KLHL1: variants seen among roughly 807,000 people sequenced by gnomAD.
KLHL1 encodes the protein kelch like family member 1, also known as kelch-like protein 1.
In KLHL1, 47 loss-of-function variants were observed where a neutral mutation model predicts 77.7. That is an observed-to-expected ratio of 0.60 (90% confidence interval 0.48 to 0.77). The LOEUF (loss-of-function observed/expected upper bound fraction) is 0.77, where lower values mean the gene tolerates loss of function less well. Ranked by LOEUF, KLHL1 falls within the 30% of genes least tolerant of loss-of-function variation. KLHL1 has a pLI of 0.00. For missense variants in KLHL1, 925 were observed against 910.8 expected (o/e 1.02, Z -0.20); for synonymous variants, 360 against 325.2 (o/e 1.11, Z -1.15).
At chr13:69,999,622 A>C (rs1487093148) in intron 1 of KLHL1, among the ~76,000 whole-genome samples, 1 of 152,052 alleles carries the variant, frequency 6.6e-6, no homozygotes, top group Non-Finnish European at 1.5e-5. Context: ...GCTGTAGCTA[A>C]AGAAGACTCT....
intron 1 of KLHL1, among the ~76,000 whole-genome samples, chr13:70,027,891 T>C (rs1351347232): frequency 1.3e-5 from 2 of 152,248 alleles, no homozygotes; most frequent in East Asian, 1.9e-4. Flanking sequence ...GCTGGAGTTA[T>C]TGTGGCGATG....
Position 70,027,349 on chromosome 13 carries a change from G to A in KLHL1, c.498-51547C>T, listed in dbSNP as rs1172772345. 2.0e-5 allele frequency among the ~76,000 whole-genome samples: 3 copies of A among 150,850 alleles called. No homozygotes were observed. In the East Asian group the frequency reaches 5.9e-4, roughly 30 times the overall value. ...AATGTATCACTAAAGAGAACCATAG[G>A]AGCGTAAATCCCTTTAGAGCCAGTT... On this transcript the variant is annotated intron_variant, in intron 1 of 10. Transcript: ENST00000377844.
intron 8 of KLHL1, among the ~76,000 whole-genome samples, chr13:69,734,965 G>A (rs568025199): frequency 4.2e-4 from 64 of 152,132 alleles, no homozygotes; most frequent in African/African-American, 1.5e-3. Flanking sequence ...TCATAATGAA[G>A]AATGTTGTGA....
intron 1 of KLHL1, among the ~76,000 whole-genome samples, chr13:70,032,020 G>A (rs1288291063): frequency 6.6e-6 from 1 of 152,100 alleles, no homozygotes; most frequent in African/African-American, 2.4e-5. Flanking sequence ...ATGTCACTTA[G>A]GTGTTACAAA....
rs539485169 is a variant in KLHL1, at chr13:69,737,252, T to C, written c.1802+3142A>G. Among the ~76,000 whole-genome samples the C allele has an allele frequency of 2.0e-5, 3 of 152,234 alleles. No homozygotes were observed. In the South Asian group the frequency reaches 6.2e-4, roughly 32 times the overall value. ...GTCACAAGCACAAAGCTGTGCAGAC[T>C]CATGGTGGCTGCTCGGGCAGGCAGC... is the stretch of plus-strand genomic sequence containing the variant. On this transcript the variant is annotated intron_variant, in intron 8 of 10. Coordinates refer to ENST00000377844, the MANE Select transcript of KLHL1 (RefSeq NM_020866.3).
rs998059123 is a variant in KLHL1 at position 69,860,868 on chromosome 13, C to G, written c.1227+21415G>C. On this transcript the variant is annotated intron_variant, in intron 5 of 10. Coordinates refer to ENST00000377844, the MANE Select transcript of KLHL1 (RefSeq NM_020866.3). The stretch of plus-strand genomic sequence containing the variant: ...AATTACATATTTAAAAAAAAACATA[C>G]TAATAGAATTCTTACTAATAAAAAC... 7.9e-5 allele frequency among the ~76,000 whole-genome samples: 12 copies of G among 151,394 alleles called. 1 individual carries two copies. The East Asian group carries it at 2.3e-3, about 30-fold the overall frequency.
At position 69,837,659 on chromosome 13, in the gene KLHL1, T is replaced by TAC. The variant is rs1566309089; in HGVS notation, c.1414+1316_1414+1317insGT. Among the ~76,000 whole-genome samples the TAC allele has an allele frequency of 3.4e-4, 45 of 132,754 alleles. 3 individuals carry two copies. The highest frequency in any genetic ancestry group is 1.2e-3 in the African/African-American group (40 of 32,514). 87.1% of individuals were successfully genotyped at this position (132,754 alleles called of 152,430 possible). A position where few individuals can be genotyped will look rare whatever the true frequency, so the allele number is the denominator to read the frequency against. On this transcript the variant is annotated intron_variant, in intron 6 of 10. Coordinates refer to ENST00000377844, the MANE Select transcript of KLHL1 (RefSeq NM_020866.3). Reference sequence around the variant, plus strand: ...ATATATATATGTGTATATATATATGTGTGTGTGTGTGTATATATATATATA... The same window carrying TAC: ...ATATATATATGTGTATATATATATGTACGTGTGTGTGTGTATATATATATATA...
At chr13:69,853,877 G>GGA (rs1879788833) in intron 5 of KLHL1, among the ~76,000 whole-genome samples, 1 of 151,956 alleles carries the variant, frequency 6.6e-6, no homozygotes, top group Admixed American at 6.6e-5. Flanking sequence ...AATAGAATAT[G>GGA]GAGACTTTGC....
chr13:69,707,265 G>A (rs558090147), intron 10 of KLHL1, among the ~76,000 whole-genome samples: 1 of 152,076 alleles, frequency 6.6e-6, no homozygotes, highest in South Asian at 2.1e-4. Context: ...GATTTCTGCA[G>A]CCTTTATATT....
At chr13:69,789,837 G>A (rs939557460) in intron 7 of KLHL1, among the ~76,000 whole-genome samples, 1 of 151,986 alleles carries the variant, frequency 6.6e-6, no homozygotes, top group African/African-American at 2.4e-5. Context: ...GAAAGATTTT[G>A]TTTTGTATTT....
intron 3 of KLHL1, among the ~76,000 whole-genome samples, chr13:69,943,870 G>A (rs1220825754): frequency 6.6e-6 from 1 of 152,158 alleles, no homozygotes; most frequent in East Asian, 1.9e-4. Flanking sequence ...TAGATCTTGA[G>A]AGAAAATCAG....
At chr13:69,987,917 A>C (rs567604706) in intron 1 of KLHL1, among the ~76,000 whole-genome samples, 13 of 152,074 alleles carry the variant, frequency 8.5e-5, no homozygotes, top group Non-Finnish European at 1.8e-4. Flanking sequence ...ACTTACAAAC[A>C]AGTGCAAAGA....
chr13:70,095,206 T>G (rs1233618579), intron 1 of KLHL1, among the ~76,000 whole-genome samples: 1 of 152,122 alleles, frequency 6.6e-6, no homozygotes, highest in Non-Finnish European at 1.5e-5. Flanking sequence ...CATGGGATTT[T>G]GAGACCCTCT....
At chr13:69,843,878 A>G (rs943310797) in intron 5 of KLHL1, among the ~76,000 whole-genome samples, 5 of 151,670 alleles carry the variant, frequency 3.3e-5, no homozygotes, top group Non-Finnish European at 5.9e-5. Context: ...ATATGTACAC[A>G]TGTGCCATGT....
At chr13:69,781,646 A>AATC (rs1478736795) in intron 7 of KLHL1, among the ~76,000 whole-genome samples, 1 of 152,242 alleles carries the variant, frequency 6.6e-6, no homozygotes, top group East Asian at 1.9e-4. Context: ...GAGATATTGT[A>AATC]ATCATCTTTT....
chr13:69,931,298 T>C (rs1419202563), intron 4 of KLHL1, among the ~76,000 whole-genome samples: 2 of 151,784 alleles, frequency 1.3e-5, no homozygotes, highest in Non-Finnish European at 3.0e-5. Context: ...AAATAGTTCA[T>C]TTTGCTGAAA....
At chr13:69,780,322 A>C (rs767412032) in intron 7 of KLHL1, among the ~76,000 whole-genome samples, 1 of 152,102 alleles carries the variant, frequency 6.6e-6, no homozygotes, top group African/African-American at 2.4e-5. Context: ...GATATATTTA[A>C]ATTTTGTTTC....
chr13:69,928,080 C>T (rs1256162387), intron 4 of KLHL1, among the ~76,000 whole-genome samples: 1 of 152,254 alleles, frequency 6.6e-6, no homozygotes, highest in South Asian at 2.1e-4. Context: ...ACCATTGGCA[C>T]CCCCATTGTT....
At chr13:69,798,730 T>A (rs116256078) in intron 6 of KLHL1, among the ~76,000 whole-genome samples, 14 of 152,268 alleles carry the variant, frequency 9.2e-5, no homozygotes, top group African/African-American at 3.4e-4. Flanking sequence ...TTCTCAAAGC[T>A]TGATAACTTT....
Sources: allele counts gnomAD v4.1 joint callset (sites outside exome capture counted in the v4.1 genomes callset), GRCh38; gene constraint gnomAD v4.1.1; transcripts MANE v1.5; gene names NCBI Gene and HGNC (gene_info 2026-07-23, HGNC 2026-07-21).